Variants in NCEH1 observed in about 807,000 individuals in gnomAD.
The protein encoded by NCEH1 is 2-acetyl MAGE hydrolase.
NCEH1 carries 9 observed loss-of-function variants against 25.4 expected under a neutral mutation model. The observed-to-expected ratio is 0.35, with a 90% CI of 0.21 to 0.62. The LOEUF (loss-of-function observed/expected upper bound fraction) is 0.62, where lower values mean the gene tolerates loss of function less well. Among genes scored for constraint, NCEH1 ranks in the 20% least tolerant of loss-of-function variants. The pLI is 0.72. For synonymous variants in NCEH1, 200 were observed against 199.8 expected, an observed-to-expected ratio of 1.00 and a Z score of -0.01; for missense variants, 412 against 501.1, an observed-to-expected ratio of 0.82 and a Z score of 1.70.
intron 1 of NCEH1, among the ~76,000 whole-genome samples, chr3:172,677,803 C>G (rs1246142956): frequency 4.7e-5 from 5 of 106,982 alleles, no homozygotes; most frequent in African/African-American, 1.6e-4. Flanking sequence ...TGGTGGGCAC[C>G]TGTAGTCCCA....
At chr3:172,650,761 G>A (rs1428870411) in intron 1 of NCEH1, among the ~76,000 whole-genome samples, 4 of 141,706 alleles carry the variant, frequency 2.8e-5, no homozygotes, top group East Asian at 2.2e-4. Flanking sequence ...GCAGTCAGCC[G>A]AGACTGTGCC....
chr3:172,706,807 C>T (rs914798273), intron 1 of NCEH1, among the ~76,000 whole-genome samples: 1 of 152,034 alleles, frequency 6.6e-6, no homozygotes, highest in East Asian at 1.9e-4. Flanking sequence ...GACCTTCATT[C>T]GTTTAAATGG....
chr3:172,668,368 T>TTTTTC, intron 1 of NCEH1, among the ~76,000 whole-genome samples: 1 of 141,518 alleles, frequency 7.1e-6, no homozygotes, highest in African/African-American at 2.7e-5. Flanking sequence ...TTTTTTTTTT[T>TTTTTC]TTTTTTGAGA....
Position 172,711,031 on chromosome 3 carries a change from G to T in NCEH1, c.-47C>A, listed in dbSNP as rs773007265. 19 of 1,613,082 alleles carry T rather than the reference G, an allele frequency of 1.2e-5. No individual in the cohort carries two copies. In the South Asian group the frequency reaches 1.6e-4, roughly 14 times the overall value. On this transcript the variant is annotated 5_prime_UTR_variant, in exon 1 of 5. Coordinates refer to ENST00000475381, the MANE Select transcript of NCEH1 (RefSeq NM_020792.6). ...AGCGGGCTGGCAAAGAGGAAAGGGCGATACCACCCGGAGACCTCCGGCAAC... is the reference window on the plus strand; with the variant it reads ...AGCGGGCTGGCAAAGAGGAAAGGGCTATACCACCCGGAGACCTCCGGCAAC...
At chr3:172,639,228 T>C (rs1160172840) in intron 3 of NCEH1, among the ~76,000 whole-genome samples, 1 of 149,386 alleles carries the variant, frequency 6.7e-6, no homozygotes, top group Non-Finnish European at 1.5e-5. Flanking sequence ...AACCAGGGAG[T>C]TGGAGGTTGC....
chr3:172,707,898 A>G (rs1714097249), intron 1 of NCEH1, among the ~76,000 whole-genome samples: 2 of 152,184 alleles, frequency 1.3e-5, no homozygotes, highest in Non-Finnish European at 2.9e-5. Context: ...AACTTTTCTT[A>G]AACACTGCTA....
Position 172,710,849 on chromosome 3 carries a change from C to T in NCEH1, c.136G>A (p.Val46Met), listed in dbSNP as rs374341824. 12 of 1,613,874 alleles carry T rather than the reference C, an allele frequency of 7.4e-6. No individual in the cohort carries two copies. Among genetic ancestry groups the T allele is most frequent in the East Asian group, 6.7e-5 (3 of 44,896 alleles). Reference protein sequence around the residue: ...LDATFRGAQQVSNLIHYLGLS... With the variant: ...LDATFRGAQQMSNLIHYLGLS... The stretch of plus-strand genomic sequence containing the variant: ...AGCAGCGCTGGGCTGCACCTCACCA[C>T]TTGCTGTGCACCCCGGAAAGTGGCG... Residue 46 changes from valine to methionine, a missense_variant and splice_region_variant, in exon 1 of 5, where the codon GTG becomes ATG. Coordinates refer to ENST00000475381, the MANE Select transcript of NCEH1 (RefSeq NM_020792.6).
chr3:172,703,527 C>CCA (rs761267305), intron 1 of NCEH1, among the ~76,000 whole-genome samples: 1 of 80,606 alleles, frequency 1.2e-5, no homozygotes, highest in African/African-American at 4.7e-5. Context: ...GACTCTGTCT[C>CCA]AAAAAAAAAA....
intron 1 of NCEH1, among the ~76,000 whole-genome samples, chr3:172,650,271 G>A (rs180688671): frequency 6.6e-6 from 1 of 152,276 alleles, no homozygotes; most frequent in African/African-American, 2.4e-5. Context: ...GGGAGGCCAA[G>A]GCAGGCAGAT....
Position 172,648,120 on chromosome 3 carries a change from G to GGGCGAGGGAGGAAAT in NCEH1, c.139-21_139-7dup. On this transcript the variant is annotated splice_polypyrimidine_tract_variant and splice_region_variant and intron_variant, in intron 1 of 4. Coordinates refer to ENST00000475381, the MANE Select transcript of NCEH1 (RefSeq NM_020792.6). ...AGGTAGTGGATCAGGTTACTCTGCA[G>GGGCGAGGGAGGAAAT]GGCGAGGGAGGAAATAAAGAGGGAG... 1 of 1,613,786 alleles carries GGGCGAGGGAGGAAAT rather than the reference G, an allele frequency of 6.2e-7. No individual in the cohort carries two copies. Among genetic ancestry groups the GGGCGAGGGAGGAAAT allele is most frequent in the Non-Finnish European group, 8.5e-7 (1 of 1,179,724 alleles).
intron 1 of NCEH1, among the ~76,000 whole-genome samples, chr3:172,657,464 T>C (rs1298450036): frequency 6.6e-6 from 1 of 152,140 alleles, no homozygotes; most frequent in Non-Finnish European, 1.5e-5. Context: ...TCCAATCACC[T>C]CATCAAACCC....
intron 3 of NCEH1, among the ~76,000 whole-genome samples, chr3:172,641,083 A>G (rs1326969946): frequency 2.0e-5 from 3 of 152,180 alleles, no homozygotes; most frequent in Non-Finnish European, 4.4e-5. Flanking sequence ...TAGGCAACAG[A>G]GTGAGACTCT....
intron 1 of NCEH1, among the ~76,000 whole-genome samples, chr3:172,700,181 G>C (rs1713602867): frequency 6.6e-6 from 1 of 152,162 alleles, no homozygotes; most frequent in African/African-American, 2.4e-5. Context: ...ATTGGCATCA[G>C]AGTTGGCATT....
Position 172,634,024 on chromosome 3 carries a change from A to G in NCEH1, c.678T>C (p.Ala226=). Residue 226 remains alanine (A), a synonymous_variant, in exon 5 of 5, where the codon GCT becomes GCC. Coordinates refer to ENST00000475381, the MANE Select transcript of NCEH1 (RefSeq NM_020792.6). ...LQALIYPVLQ[A]LDFNTPSYQQ... is the part of the protein sequence containing the mutation. ...GATAAGATGGTGTGTTAAAATCTAAAGCTTGAAGAACTGGATAAATTAAAG... is the reference window on the plus strand; with the variant it reads ...GATAAGATGGTGTGTTAAAATCTAAGGCTTGAAGAACTGGATAAATTAAAG... 3.7e-6 allele frequency: 6 copies of G among 1,614,208 alleles called. No homozygotes were observed. The highest frequency in any genetic ancestry group is 5.1e-6 in the Non-Finnish European group (6 of 1,180,022).
intron 1 of NCEH1, among the ~76,000 whole-genome samples, chr3:172,697,130 T>C (rs1214472196): frequency 1.3e-5 from 2 of 151,434 alleles, no homozygotes; most frequent in Non-Finnish European, 2.9e-5. Flanking sequence ...GGTTTTACCA[T>C]GTTGCCCAGG....
intron 1 of NCEH1, among the ~76,000 whole-genome samples, chr3:172,658,840 C>CTTTTTT: frequency 1.3e-5 from 1 of 74,220 alleles, no homozygotes; most frequent in South Asian, 5.6e-4. Context: ...AATTCCAAAA[C>CTTTTTT]TTTTTTTTTT....
chr3:172,633,225 T>C lies in NCEH1; in HGVS notation c.*250A>G, dbSNP rs1716443160. ...CTGTAGCTGTAGGTATCAGTATAGT[T>C]GGCTAAGATAACAAGAACAGAGAGA... On this transcript the variant is annotated 3_prime_UTR_variant, in exon 5 of 5. Transcript: ENST00000475381. 3 of 480,386 alleles carry C rather than the reference T, an allele frequency of 6.2e-6. No individual in the cohort carries two copies. The South Asian group carries it at 7.3e-5, about 12-fold the overall frequency. The allele number at this position is 480,386 out of a possible 1,614,324, so 29.8% of individuals were successfully genotyped here.
chr3:172,671,177 T>C (rs1047368948), intron 1 of NCEH1, among the ~76,000 whole-genome samples: 1 of 152,188 alleles, frequency 6.6e-6, no homozygotes, highest in African/African-American at 2.4e-5. Flanking sequence ...ATTAACCCAA[T>C]TATTTTTTGG....
At chr3:172,635,782 A>G (rs234012) in intron 4 of NCEH1, 134 bp downstream of exon 4, 296,702 of 704,824 alleles carry the variant, frequency 0.42, 64,142 homozygotes, top group African/African-American at 0.57. Flanking sequence ...AAGTGTAATC[A>G]CATGAACAAT....
Sources: gnomAD v4.1 joint callset for allele counts (sites outside exome capture counted in the v4.1 genomes callset) on GRCh38, gnomAD v4.1.1 for gene constraint, MANE v1.5 for transcripts, NCBI Gene and HGNC (gene_info 2026-07-23, HGNC 2026-07-21) for gene names.